The following TBXAS1 variants were observed in gnomAD, a reference collection of about 807,000 sequenced individuals.
TBXAS1 encodes thromboxane A synthase 1.
A neutral mutation model predicts 60.7 loss-of-function variants in TBXAS1; 48 were observed. That is an observed-to-expected ratio of 0.79 (90% CI 0.63 to 1.01). The LOEUF is 1.01. Ranked by LOEUF, TBXAS1 falls within the 50% of genes least tolerant of loss-of-function variation. The pLI is 0.00. For missense variants in TBXAS1, 685 were observed against 686.3 expected, an observed-to-expected ratio of 1.00 and a Z score of 0.02; for synonymous variants, 287 against 269.7, an observed-to-expected ratio of 1.06 and a Z score of -0.63.
intron 9 of TBXAS1, 102 bp from the exon 10 acceptor site, chr7:140,006,989 T>C (rs1814124468): frequency 8.6e-7 from 1 of 1,165,094 alleles, no homozygotes. Flanking sequence ...TGTTTAAATG[T>C]TTGCCAAAGT....
chr7:140,015,789 A>G lies in TBXAS1; in HGVS notation c.1293A>G (p.Leu431=), dbSNP rs1381627405. ...LGQRIPAGAV[L]EMAVGALHHD... is the part of the protein sequence containing the mutation. ...AGCGCATCCCCGCAGGCGCTGTGCT[A>G]GAGATGGCCGTGGGTGCCCTGCACC... Residue 431 remains leucine, a synonymous_variant, in exon 11 of 13, where the codon CTA becomes CTG. Transcript: ENST00000448866. 3 of 1,613,704 alleles carry G rather than the reference A, an allele frequency of 1.9e-6. No individual in the cohort carries two copies. The South Asian group carries it at 3.3e-5, about 18-fold the overall frequency.
intron 4 of TBXAS1, among the ~76,000 whole-genome samples, chr7:139,822,687 T>G (rs563547085): frequency 6.6e-6 from 1 of 152,272 alleles, no homozygotes; most frequent in South Asian, 2.1e-4. Context: ...GGGGTGATCC[T>G]TGACGTCCCC....
chr7:139,801,121 A>G (rs1458317656), intron 4 of TBXAS1, among the ~76,000 whole-genome samples: 1 of 152,362 alleles, frequency 6.6e-6, no homozygotes, highest in Non-Finnish European at 1.5e-5. Flanking sequence ...TTGCAATATC[A>G]AAACTCTTCC....
At chr7:139,956,865 C>T (rs1045353418) in intron 7 of TBXAS1, among the ~76,000 whole-genome samples, 5 of 152,282 alleles carry the variant, frequency 3.3e-5, no homozygotes, top group Non-Finnish European at 7.3e-5. Flanking sequence ...TGCTGTGTCA[C>T]ATTGGTTCGG....
Position 139,962,127 on chromosome 7 carries a change from A to G in TBXAS1, c.1028A>G (p.Tyr343Cys). The change falls in exon 9 of 13, where the codon TAT (tyrosine) becomes TGT (cysteine). Residue 343 changes from tyrosine (Y) to cysteine (C), a missense_variant. Physicochemically the swap from Tyr to Cys is radical, Grantham distance 194. Coordinates refer to ENST00000448866, the MANE Select transcript of TBXAS1 (RefSeq NM_001061.7). ...GQAFIFLIAG[Y>C]EIITNTLSFA... The stretch of plus-strand genomic sequence containing the variant: ...GCCTTCATCTTCCTCATCGCTGGCT[A>G]TGAAATCATCACCAACACACTTTCT... The G allele has an allele frequency of 2.5e-6, 4 of 1,614,194 alleles. No individual in the cohort carries two copies. Among genetic ancestry groups the G allele is most frequent in the Non-Finnish European group, 3.4e-6 (4 of 1,180,044 alleles).
intron 5 of TBXAS1, among the ~76,000 whole-genome samples, chr7:139,942,056 T>C (rs1444676917): frequency 6.6e-6 from 1 of 152,204 alleles, no homozygotes; most frequent in African/African-American, 2.4e-5. Context: ...TCTTGTAAGA[T>C]TGCATAAGTC....
intron 9 of TBXAS1, among the ~76,000 whole-genome samples, chr7:139,964,076 C>T (rs1810586526): frequency 6.6e-6 from 1 of 152,042 alleles, no homozygotes; most frequent in South Asian, 2.1e-4. Flanking sequence ...GCTTAGGTCG[C>T]TGCCCATTCT....
chr7:139,814,157 G>T (rs1455671723), intron 4 of TBXAS1, among the ~76,000 whole-genome samples: 1 of 152,202 alleles, frequency 6.6e-6, no homozygotes, highest in Non-Finnish European at 1.5e-5. Flanking sequence ...GCTATGTAGT[G>T]TTGGGAGGAA....
At chr7:139,902,610 C>G (rs1304301327) in intron 3 of TBXAS1, among the ~76,000 whole-genome samples, 1 of 152,150 alleles carries the variant, frequency 6.6e-6, no homozygotes. Flanking sequence ...TAAGTTTTCA[C>G]GTCTCTGGGA....
chr7:139,810,776 T>C (rs1798004505), intron 4 of TBXAS1, among the ~76,000 whole-genome samples: 1 of 152,190 alleles, frequency 6.6e-6, no homozygotes, highest in South Asian at 2.1e-4. Context: ...TCCTACAAGA[T>C]TCAACAGTTC....
intron 9 of TBXAS1, among the ~76,000 whole-genome samples, chr7:139,972,253 A>G (rs1022704641): frequency 6.6e-6 from 1 of 152,244 alleles, no homozygotes; most frequent in Admixed American, 6.5e-5. Context: ...TCTTTCATGT[A>G]GCAAATCAGA....
chr7:139,782,679 A>T (rs1349723917), exon 3 of TBXAS1: 1 of 151,790 alleles, frequency 6.6e-6, no homozygotes, highest in African/African-American at 2.4e-5. Context: ...TTTATTTTCC[A>T]TGTGTGAGCC....
intron 4 of TBXAS1, among the ~76,000 whole-genome samples, chr7:139,930,631 T>C (rs2117156619): frequency 6.6e-6 from 1 of 152,056 alleles, no homozygotes; most frequent in Middle Eastern, 3.4e-3. Flanking sequence ...TCAGACTATA[T>C]AAGGGATTGG....
chr7:139,878,114 A>T (rs149214427), intron 3 of TBXAS1, among the ~76,000 whole-genome samples: 2,275 of 151,326 alleles, frequency 0.015, 31 homozygotes, highest in African/African-American at 0.033. Flanking sequence ...TGTGTGAGAG[A>T]GAGAGAGAGA....
rs140346077 is a variant in TBXAS1 at position 139,892,358 on chromosome 7, C to T, written c.236+16721C>T. 1.3e-3 allele frequency among the ~76,000 whole-genome samples: 192 copies of T among 152,154 alleles called. 1 individual carries two copies. Among genetic ancestry groups the T allele is most frequent in the African/African-American group, 4.3e-3 (179 of 41,510 alleles). On this transcript the variant is annotated intron_variant, in intron 3 of 12. Transcript: ENST00000448866. ...CTGTAATCCCAGCACTTTGGGAGGC[C>T]GAGGCGGGTGGATCATGAGGTCAGG...
At chr7:139,885,380 C>A (rs1012209891) in intron 3 of TBXAS1, among the ~76,000 whole-genome samples, 2 of 152,166 alleles carry the variant, frequency 1.3e-5, no homozygotes, top group Non-Finnish European at 2.9e-5. Flanking sequence ...GTACCTGCAA[C>A]AAATCCAAGT....
Position 140,013,399 on chromosome 7 carries a change from G to A in TBXAS1, c.1227-2324G>A, listed in dbSNP as rs1016277879. On this transcript the variant is annotated intron_variant, in intron 10 of 12. Coordinates refer to ENST00000448866, the MANE Select transcript of TBXAS1 (RefSeq NM_001061.7). The surrounding 1 kb of genome is among the most constrained non-coding windows in gnomAD (Gnocchi z 4.2). ...GGTCTCGATGCTCACTCCAAGAGTT[G>A]AGTTGTGTGGCTCCAGGTAGACTCA... 2.6e-5 allele frequency among the ~76,000 whole-genome samples: 4 copies of A among 152,234 alleles called. No homozygotes were observed. Among genetic ancestry groups the A allele is most frequent in the Admixed American group, 6.5e-5 (1 of 15,284 alleles).
chr7:139,908,860 T>C (rs1805303283), intron 3 of TBXAS1, among the ~76,000 whole-genome samples: 1 of 152,226 alleles, frequency 6.6e-6, no homozygotes, highest in South Asian at 2.1e-4. Flanking sequence ...GGTAAATATG[T>C]GAGTGACAAA....
intron 9 of TBXAS1, among the ~76,000 whole-genome samples, chr7:139,982,827 G>A (rs945127520): frequency 1.3e-5 from 2 of 152,082 alleles, no homozygotes; most frequent in Admixed American, 6.5e-5. Flanking sequence ...CTTTACAAAC[G>A]AGGAAATGTA....
Sources: gnomAD v4.1 joint callset for allele counts (sites outside exome capture counted in the v4.1 genomes callset) on GRCh38, gnomAD v4.1.1 for gene constraint, Gnocchi (gnomAD v3.1) non-coding constraint, MANE v1.5 for transcripts, NCBI Gene and HGNC (gene_info 2026-07-23, HGNC 2026-07-21) for gene names.